Variants in ZNF717 observed in about 807,000 individuals in gnomAD.
ZNF717 encodes krueppel-like factor X17.
ZNF717 carries 9 observed loss-of-function variants against 13.8 expected under a neutral mutation model. The observed-to-expected ratio is 0.65, with a 90% CI of 0.39 to 1.14. The LOEUF is 1.14. Ranked by LOEUF, ZNF717 falls within the 50% of genes most tolerant of loss-of-function variation. The pLI is 0.01. For synonymous variants in ZNF717, 327 were observed against 364.1 expected (o/e 0.90, Z 1.16); for missense variants, 1,040 against 1,080.7 (o/e 0.96, Z 0.53).
At chr3:75,779,227 TA>T (rs1429992266) in intron 2 of ZNF717, among the ~76,000 whole-genome samples, 4 of 132,062 alleles carry the variant, frequency 3.0e-5, no homozygotes, top group African/African-American at 2.9e-5. Context: ...AGTGATCTGC[TA>T]AAACCAGAAA....
At chr3:75,778,976 C>T (rs190306586) in intron 2 of ZNF717, among the ~76,000 whole-genome samples, 18,165 of 58,016 alleles carry the variant, frequency 0.31, 1,683 homozygotes, top group Non-Finnish European at 0.32. Context: ...AATGGGAGTG[C>T]TGTGCTAAAA....
At chr3:75,750,184 G>C (rs78178955) in intron 2 of ZNF717, among the ~76,000 whole-genome samples, 37 of 116,958 alleles carry the variant, frequency 3.2e-4, no homozygotes, top group Middle Eastern at 6.4e-3. Flanking sequence ...ACATAGGATT[G>C]CAGAACACTC....
intron 5 of ZNF717, among the ~76,000 whole-genome samples, chr3:75,714,342 G>A (rs77288197): frequency 6.6e-5 from 10 of 151,812 alleles, no homozygotes; most frequent in African/African-American, 1.2e-4. Context: ...AGATGCTGGC[G>A]TTACTGCTAG....
chr3:75,741,297 T>C lies in ZNF717; in HGVS notation c.256A>G (p.Thr86Ala), dbSNP rs141704469. 0.039 allele frequency: 34,149 copies of C among 886,112 alleles called. No individual in the cohort carries two copies. Among genetic ancestry groups the C allele is most frequent in the Admixed American group, 0.066 (1,836 of 27,852 alleles). The allele number at this position is 886,112 out of a possible 1,614,324, so 54.9% of individuals were successfully genotyped here. The change falls in exon 4 of 5, where the codon ACC becomes GCC. Residue 86 changes from threonine (T) to alanine (A), a missense_variant. Physicochemically the swap from Thr to Ala is moderately conservative, Grantham distance 58. Around this residue, in one of 3 missense-constraint regions of ZNF717, gnomAD observed 123 missense variants for 177.8 expected, o/e 0.69. Transcript: ENST00000652011. ...QGAEPWIVEE[T>A]PNLRLSAVQI... ...TGACCTGAAAGTCTCAGGTTTGGGG[T>C]TTCTTCTACTATCCATGGCTCTGCT...
chr3:75,778,967 A>G (rs1944578334), intron 2 of ZNF717, among the ~76,000 whole-genome samples: 2 of 151,648 alleles, frequency 1.3e-5, no homozygotes, highest in South Asian at 4.2e-4. Context: ...ACCCAAAACA[A>G]TGGGAGTGCT....
intron 2 of ZNF717, among the ~76,000 whole-genome samples, chr3:75,744,094 A>C (rs11716945): frequency 0.23 from 34,044 of 151,194 alleles, 1,915 homozygotes; most frequent in Non-Finnish European, 0.28. Context: ...ACATTTACAC[A>C]GGAAGAGAAA....
At chr3:75,722,823 A>T (rs1346776597) in intron 4 of ZNF717, among the ~76,000 whole-genome samples, 1 of 142,530 alleles carries the variant, frequency 7.0e-6, no homozygotes, top group East Asian at 2.0e-4. Context: ...AAAAAAAAAA[A>T]TTTAAGTATT....
intron 2 of ZNF717, among the ~76,000 whole-genome samples, chr3:75,778,005 C>T (rs1575984857): frequency 6.7e-6 from 1 of 149,092 alleles, no homozygotes; most frequent in Non-Finnish European, 1.5e-5. Context: ...CTTGCTAAAA[C>T]CGGAAACCAA....
At chr3:75,777,569 G>C (rs1464023572) in intron 2 of ZNF717, among the ~76,000 whole-genome samples, 1 of 151,552 alleles carries the variant, frequency 6.6e-6, no homozygotes, top group East Asian at 2.0e-4. Flanking sequence ...AAAACAATGG[G>C]AGTAATCTGC....
At chr3:75,733,393 G>A (rs1938764436), downstream of ZNF717, among the ~76,000 whole-genome samples, 3 of 152,158 alleles carry the variant, frequency 2.0e-5, no homozygotes, top group Admixed American at 2.0e-4. Flanking sequence ...CCTACACCTA[G>A]GCATATTATT....
At chr3:75,777,391 T>C (rs1342293344) in intron 2 of ZNF717, among the ~76,000 whole-genome samples, 4 of 143,038 alleles carry the variant, frequency 2.8e-5, no homozygotes, top group Non-Finnish European at 6.0e-5. Context: ...CAAAAAACAA[T>C]GGGAGTGATG....
chr3:75,741,080 A>C (rs1228450279), intron 4 of ZNF717, among the ~76,000 whole-genome samples, 196 bp downstream of exon 4: 1 of 152,248 alleles, frequency 6.6e-6, no homozygotes, highest in African/African-American at 2.4e-5. Flanking sequence ...AAATAGAAGA[A>C]GATACTCAGA....
At chr3:75,778,500 A>G (rs1308906175) in intron 2 of ZNF717, among the ~76,000 whole-genome samples, 2 of 151,948 alleles carry the variant, frequency 1.3e-5, no homozygotes, top group Admixed American at 6.6e-5. Flanking sequence ...CTAAAACCGG[A>G]ACGCAAAACA....
intron 2 of ZNF717, among the ~76,000 whole-genome samples, chr3:75,774,432 GGGAT>G (rs1391679288): frequency 6.6e-6 from 1 of 151,926 alleles, no homozygotes; most frequent in East Asian, 1.9e-4. Flanking sequence ...CTCTAACTTT[GGGAT>G]GCTACAGAGG....
chr3:75,725,087 TCC>T (rs1938251453), downstream of ZNF717, among the ~76,000 whole-genome samples: 278 of 46,562 alleles, frequency 6.0e-3, no homozygotes, highest in African/African-American at 0.012. Context: ...AAACCCTCCC[TCC>T]CTCTCATCTG....
intron 2 of ZNF717, among the ~76,000 whole-genome samples, chr3:75,765,559 C>A (rs1943396993): frequency 6.6e-6 from 1 of 152,146 alleles, no homozygotes; most frequent in Non-Finnish European, 1.5e-5. Context: ...TACAGGTGCA[C>A]ACCACGATGT....
intron 5 of ZNF717, among the ~76,000 whole-genome samples, chr3:75,714,470 T>A (rs1422729676): frequency 2.0e-5 from 3 of 152,074 alleles, no homozygotes; most frequent in African/African-American, 7.2e-5. Flanking sequence ...AATATTGGAA[T>A]AAAGAGTAAT....
At position 75,758,984 on chromosome 3, in the gene ZNF717, A is replaced by C. The variant is rs181013505; in HGVS notation, c.58-17248T>G. ...CACAGAGTGAAATCCTATCACACAC[A>C]CAAAAAAAGATTGCAGCTTGCTGAA... On this transcript the variant is annotated intron_variant, in intron 2 of 4. Transcript: ENST00000652011. 7.5e-3 allele frequency among the ~76,000 whole-genome samples: 1,142 copies of C among 152,332 alleles called. 4 individuals are homozygous for C. The highest frequency in any genetic ancestry group is 0.011 in the Non-Finnish European group (773 of 68,022).
At chr3:75,758,085 C>T (rs992878247) in intron 2 of ZNF717, among the ~76,000 whole-genome samples, 4 of 138,808 alleles carry the variant, frequency 2.9e-5, no homozygotes, top group Admixed American at 2.3e-4. Context: ...GTTGTCACTG[C>T]ACTCCAGCCC....
Sources: allele counts gnomAD v4.1 joint callset (sites outside exome capture counted in the v4.1 genomes callset), GRCh38; gene constraint gnomAD v4.1.1; regional missense constraint gnomAD v4.1.1; transcripts MANE v1.5; gene names NCBI Gene and HGNC (gene_info 2026-07-23, HGNC 2026-07-21).